Variants in SYT1 observed in about 807,000 individuals in gnomAD.
SYT1 encodes synaptotagmin-1.
Under a neutral mutation model 44.8 loss-of-function variants are expected in SYT1, and 8 were observed. The ratio of observed to expected loss-of-function variants is 0.18; its 90% confidence interval spans 0.10 to 0.32. SYT1 has a LOEUF of 0.32. Among genes scored for constraint, SYT1 ranks in the 10% least tolerant of loss-of-function variants. SYT1 has a pLI of 1.00. For missense variants in SYT1, 286 were observed against 509.3 expected (o/e 0.56, Z 4.22); for synonymous variants, 154 against 188.8 (o/e 0.82, Z 1.51).
chr12:78,931,757 T>C (rs1345408989), intron 1 of SYT1, among the ~76,000 whole-genome samples: 2 of 152,206 alleles, frequency 1.3e-5, no homozygotes, highest in African/African-American at 2.4e-5. Context: ...GCCAATTTAT[T>C]TGATGCTGCC....
chr12:79,050,337 G>C (rs1417494121), intron 3 of SYT1, among the ~76,000 whole-genome samples: 2 of 144,156 alleles, frequency 1.4e-5, no homozygotes, highest in African/African-American at 2.7e-5. Flanking sequence ...GGGTTGGTTG[G>C]TTTTACTGTC....
chr12:78,976,744 T>G (rs2137419081), intron 1 of SYT1: 1 of 152,252 alleles, frequency 6.6e-6, no homozygotes, highest in South Asian at 2.1e-4. Context: ...TTTTTATAAT[T>G]TATTTATTTC....
chr12:79,031,551 T>A (rs1359316277), intron 2 of SYT1, among the ~76,000 whole-genome samples: 2 of 151,054 alleles, frequency 1.3e-5, no homozygotes, highest in Non-Finnish European at 3.0e-5. Context: ...AATCACCAAA[T>A]CCATCCGCTC....
chr12:78,876,909 T>TA (rs1565697998), intron 1 of SYT1, among the ~76,000 whole-genome samples: 1 of 90,244 alleles, frequency 1.1e-5, no homozygotes, highest in Non-Finnish European at 2.3e-5. Context: ...ATATATTATA[T>TA]GTATTATATA....
chr12:79,067,290 G>C (rs2137881469), intron 3 of SYT1, among the ~76,000 whole-genome samples: 1 of 152,038 alleles, frequency 6.6e-6, no homozygotes, highest in African/African-American at 2.4e-5. Flanking sequence ...CAAAAATACA[G>C]TCTTTATGGG....
chr12:78,878,499 A>G (rs1352524370), intron 1 of SYT1, among the ~76,000 whole-genome samples: 1 of 151,694 alleles, frequency 6.6e-6, no homozygotes, highest in Non-Finnish European at 1.5e-5. Context: ...CCCTTCTAAC[A>G]TTTGTTTACT....
chr12:79,379,677 G>A (rs1884138684), intron 9 of SYT1, among the ~76,000 whole-genome samples: 1 of 152,086 alleles, frequency 6.6e-6, no homozygotes, highest in South Asian at 2.1e-4. Context: ...TCGTGTATAT[G>A]TTTATATACT....
At chr12:78,883,257 T>C (rs572546758) in intron 1 of SYT1, among the ~76,000 whole-genome samples, 27 of 151,808 alleles carry the variant, frequency 1.8e-4, no homozygotes, top group Admixed American at 1.6e-3. Context: ...TTCTATATTG[T>C]TTGCAATTTT....
intron 3 of SYT1, among the ~76,000 whole-genome samples, chr12:79,213,158 A>G (rs1211574699): frequency 6.6e-6 from 1 of 152,228 alleles, no homozygotes; most frequent in Non-Finnish European, 1.5e-5. Context: ...AGAATAGAGT[A>G]GAATTGAATT....
intron 1 of SYT1, among the ~76,000 whole-genome samples, chr12:78,930,208 A>G (rs61929215): frequency 0.091 from 13,800 of 152,210 alleles, 715 homozygotes; most frequent in East Asian, 0.18. Flanking sequence ...TGATGAATAC[A>G]TTAATTAGAC....
chr12:79,184,164 A>G (rs938428994), intron 3 of SYT1, among the ~76,000 whole-genome samples: 7 of 152,182 alleles, frequency 4.6e-5, no homozygotes, highest in African/African-American at 1.7e-4. Flanking sequence ...GTAAATCATT[A>G]TTAGTATTCT....
At chr12:79,372,007 T>G (rs966007779) in intron 9 of SYT1, among the ~76,000 whole-genome samples, 2 of 152,210 alleles carry the variant, frequency 1.3e-5, no homozygotes, top group African/African-American at 4.8e-5. Flanking sequence ...GTTCTGTACA[T>G]ACCTTTTCTC....
intron 3 of SYT1, among the ~76,000 whole-genome samples, chr12:79,192,637 A>G (rs1455045296): frequency 6.6e-6 from 1 of 152,158 alleles, no homozygotes; most frequent in Non-Finnish European, 1.5e-5. Flanking sequence ...CCTTTACCCT[A>G]TAGCTAAGCT....
chr12:78,942,682 T>C (rs1878441516), intron 1 of SYT1, among the ~76,000 whole-genome samples: 1 of 152,244 alleles, frequency 6.6e-6, no homozygotes, highest in Non-Finnish European at 1.5e-5. Context: ...TAAAATAGGG[T>C]ATTAGTTCAG....
At chr12:79,263,850 GC>G (rs1274090161) in intron 4 of SYT1, among the ~76,000 whole-genome samples, 1 of 151,108 alleles carries the variant, frequency 6.6e-6, no homozygotes, top group African/African-American at 2.4e-5. Context: ...GGGCTCTTAA[GC>G]TTTTTTTTTT....
intron 5 of SYT1, 60 bp from the exon 6 acceptor site, chr12:79,291,948 T>C: frequency 6.2e-7 from 1 of 1,606,880 alleles, no homozygotes. Flanking sequence ...ACAGGCCCAG[T>C]TCAATTTGAG....
intron 1 of SYT1, among the ~76,000 whole-genome samples, chr12:78,966,245 G>A (rs1879767218): frequency 6.6e-6 from 1 of 151,328 alleles, no homozygotes; most frequent in Non-Finnish European, 1.5e-5. Flanking sequence ...TCATTTATTT[G>A]TTTATTTGTT....
chr12:79,308,144 C>T (rs1301548013), intron 8 of SYT1, among the ~76,000 whole-genome samples: 4 of 152,196 alleles, frequency 2.6e-5, no homozygotes, highest in East Asian at 1.9e-4. Flanking sequence ...CAAATCCTTT[C>T]GCTGTAAGTC....
At chr12:79,071,356 A>G (rs1484145788) in intron 3 of SYT1, among the ~76,000 whole-genome samples, 2 of 152,188 alleles carry the variant, frequency 1.3e-5, no homozygotes, top group African/African-American at 2.4e-5. Flanking sequence ...TTTGTCCTTA[A>G]AAAGCTCACA....
Sources: gnomAD v4.1 joint callset for allele counts (sites outside exome capture counted in the v4.1 genomes callset) on GRCh38, gnomAD v4.1.1 for gene constraint, MANE v1.5 for transcripts, NCBI Gene and HGNC (gene_info 2026-07-23, HGNC 2026-07-21) for gene names.